Variants in ARHGEF26 observed in about 807,000 individuals in gnomAD.
The protein encoded by ARHGEF26 is Rho guanine nucleotide exchange factor 26, also known as Rho guanine nucleotide exchange factor (GEF) 26.
ARHGEF26 carries 59 observed loss-of-function variants against 89.4 expected under a neutral mutation model. The observed-to-expected ratio is 0.66, with a 90% confidence interval of 0.54 to 0.82. The LOEUF (loss-of-function observed/expected upper bound fraction) is 0.82, where lower values mean the gene tolerates loss of function less well. Among genes scored for constraint, ARHGEF26 ranks in the 40% least tolerant of loss-of-function variants. The pLI is 0.00. For synonymous variants in ARHGEF26, 500 were observed against 428.4 expected (o/e 1.17, Z -2.06); for missense variants, 1,234 against 1,085.6 (o/e 1.14, Z -1.92).
rs1714182311 is a variant in ARHGEF26 at position 154,194,735 on chromosome 3, AGTTT to A, written c.1845+24_1845+27del. The A allele has an allele frequency of 6.2e-7, 1 of 1,604,874 alleles. No homozygotes were observed. Among genetic ancestry groups the A allele is most frequent in the South Asian group, 1.1e-5 (1 of 89,352 alleles). On this transcript the variant is annotated intron_variant, in intron 9 of 14. Coordinates refer to ENST00000465093, the MANE Select transcript of ARHGEF26 (RefSeq NM_015595.4). ...GTTAGCAAGGTAACTGTTGGGTGAC[AGTTT>A]GTTTGTAAGACAGGAAACCATTCAG...
At chr3:154,242,192 A>G (rs1717516262) in intron 12 of ARHGEF26, among the ~76,000 whole-genome samples, 1 of 152,184 alleles carries the variant, frequency 6.6e-6, no homozygotes, top group Non-Finnish European at 1.5e-5. Flanking sequence ...AAAGAAATAT[A>G]TTTCATAAGG....
At position 154,240,559 on chromosome 3, in the gene ARHGEF26, G is replaced by T; in HGVS notation, c.2280G>T (p.Met760Ile). Residue 760 changes from methionine to isoleucine, a missense_variant, in exon 12 of 15, where the codon ATG becomes ATT. Physicochemically the swap from Met to Ile is conservative, Grantham distance 10 (BLOSUM62 1). Transcript: ENST00000465093. ...ACCACGCGAATGAGAAAGTGGAGATGCTACTAGGAGCTGAGACGCAGTAAG... is the reference window on the plus strand; with the variant it reads ...ACCACGCGAATGAGAAAGTGGAGATTCTACTAGGAGCTGAGACGCAGTAAG... ...LSNHANEKVE[M>I]LLGAETQSER... is the part of the protein sequence containing the mutation. 3 of 1,610,758 alleles carry T rather than the reference G, an allele frequency of 1.9e-6. No individual in the cohort carries two copies. Among genetic ancestry groups the T allele is most frequent in the Non-Finnish European group, 2.5e-6 (3 of 1,178,378 alleles).
intron 9 of ARHGEF26, among the ~76,000 whole-genome samples, chr3:154,202,577 A>G (rs1431432836): frequency 3.3e-5 from 5 of 152,134 alleles, no homozygotes; most frequent in East Asian, 3.9e-4. Context: ...CATTGAATCT[A>G]TGAATTACCT....
At chr3:154,222,625 G>A (rs763910545) in intron 10 of ARHGEF26, among the ~76,000 whole-genome samples, 3 of 152,226 alleles carry the variant, frequency 2.0e-5, no homozygotes, top group Non-Finnish European at 4.4e-5. Flanking sequence ...CATTGTTGAT[G>A]TGTTTTATCA....
At chr3:154,162,594 G>A (rs1373450175) in intron 6 of ARHGEF26, among the ~76,000 whole-genome samples, 3 of 152,002 alleles carry the variant, frequency 2.0e-5, no homozygotes, top group South Asian at 4.2e-4. Context: ...ATGTTCTCCC[G>A]GTGTCTGCGT....
chr3:154,187,744 A>G lies in ARHGEF26; in HGVS notation c.1547A>G (p.Asp516Gly). Reference sequence around the variant, plus strand: ...AATATCTTCATAGATGACATAAGTGACATTGTGGAAAAACACACAGCATCC... The same window carrying G: ...AATATCTTCATAGATGACATAAGTGGCATTGTGGAAAAACACACAGCATCC... ...QNNIFIDDIS[D>G]IVEKHTASTF... The change falls in exon 7 of 15, where the codon GAC becomes GGC. Residue 516 changes from aspartate to glycine, a missense_variant. Physicochemically the swap from Asp to Gly is moderately conservative, Grantham distance 94 (BLOSUM62 -1). Coordinates refer to ENST00000465093, the MANE Select transcript of ARHGEF26 (RefSeq NM_015595.4). 6.2e-7 allele frequency: 1 copy of G among 1,611,786 alleles called. No individual in the cohort carries two copies.
chr3:154,146,039 A>G (rs913862097), intron 4 of ARHGEF26, among the ~76,000 whole-genome samples: 9 of 151,964 alleles, frequency 5.9e-5, no homozygotes, highest in African/African-American at 1.5e-4. Flanking sequence ...TCAGACCTGC[A>G]AAGTACTTTA....
chr3:154,221,727 A>T (rs145550727), intron 10 of ARHGEF26, among the ~76,000 whole-genome samples: 2 of 152,350 alleles, frequency 1.3e-5, no homozygotes, highest in East Asian at 3.9e-4. Context: ...ATAAAAAAAT[A>T]CAGTTTGCTT....
chr3:154,225,768 G>C, intron 10 of ARHGEF26, 88 bp from the exon 11 acceptor site: 1 of 1,381,750 alleles, frequency 7.2e-7, no homozygotes, highest in Non-Finnish European at 9.7e-7. Context: ...AGTATCATTT[G>C]TTTGAATGTA....
chr3:154,234,294 T>C (rs1199211539), intron 11 of ARHGEF26, among the ~76,000 whole-genome samples: 1 of 152,178 alleles, frequency 6.6e-6, no homozygotes, highest in Non-Finnish European at 1.5e-5. Context: ...GCTAGCCTAT[T>C]TTCCATTCCT....
At chr3:154,121,801 T>C in intron 1 of ARHGEF26, 141 bp from the exon 2 acceptor site, 1 of 732,776 alleles carries the variant, frequency 1.4e-6, no homozygotes, top group Non-Finnish European at 2.1e-6. Context: ...TGGTGCAGTT[T>C]TTGCCCGAGA....
chr3:154,135,738 G>T (rs759754944), intron 4 of ARHGEF26, among the ~76,000 whole-genome samples: 1 of 152,218 alleles, frequency 6.6e-6, no homozygotes, highest in South Asian at 2.1e-4. Context: ...TTAATGCCAG[G>T]TGTGTAGTCA....
intron 5 of ARHGEF26, among the ~76,000 whole-genome samples, 159 bp downstream of exon 5, chr3:154,149,604 C>T (rs756099504): frequency 2.0e-5 from 3 of 152,120 alleles, no homozygotes; most frequent in Admixed American, 6.5e-5. Context: ...TGTAAAGCTA[C>T]GCATAAGCCC....
At chr3:154,127,629 A>C (rs903127608) in intron 3 of ARHGEF26, among the ~76,000 whole-genome samples, 20 of 143,810 alleles carry the variant, frequency 1.4e-4, no homozygotes, top group African/African-American at 4.9e-4. Context: ...GGTAAGTAGG[A>C]GTGCACTCTA....
At chr3:154,143,276 T>C (rs1353855085) in intron 4 of ARHGEF26, among the ~76,000 whole-genome samples, 1 of 152,246 alleles carries the variant, frequency 6.6e-6, no homozygotes, top group Non-Finnish European at 1.5e-5. Context: ...ATAGAAGGAT[T>C]GTCTTTTACG....
intron 8 of ARHGEF26, among the ~76,000 whole-genome samples, chr3:154,193,577 T>C (rs373496717): frequency 3.3e-5 from 5 of 152,220 alleles, no homozygotes; most frequent in African/African-American, 1.2e-4. Context: ...TTAGGCAGAA[T>C]GTAAATGTAT....
chr3:154,235,260 G>T (rs1456055827), intron 11 of ARHGEF26, among the ~76,000 whole-genome samples: 1 of 151,946 alleles, frequency 6.6e-6, no homozygotes, highest in African/African-American at 2.4e-5. Context: ...TCATTAATTT[G>T]GGCCTTCTTC....
chr3:154,179,026 A>G (rs145451470), intron 6 of ARHGEF26, among the ~76,000 whole-genome samples: 1 of 152,314 alleles, frequency 6.6e-6, no homozygotes. Flanking sequence ...GGCTATGTTT[A>G]TAATTTCATT....
intron 4 of ARHGEF26, among the ~76,000 whole-genome samples, chr3:154,132,869 T>C (rs1158808517): frequency 2.0e-5 from 3 of 152,072 alleles, no homozygotes; most frequent in Admixed American, 6.6e-5. Context: ...AATAGTAAGG[T>C]AGCCCGTCTA....
Sources: gnomAD v4.1 joint callset for allele counts (sites outside exome capture counted in the v4.1 genomes callset) on GRCh38, gnomAD v4.1.1 for gene constraint, MANE v1.5 for transcripts, NCBI Gene and HGNC (gene_info 2026-07-23, HGNC 2026-07-21) for gene names.